Variants in C2orf76 observed in about 807,000 individuals in gnomAD.
C2orf76 encodes the protein chromosome 2 open reading frame 76.
C2orf76 carries 23 observed loss-of-function variants against 16.9 expected under a neutral mutation model. The ratio of observed to expected loss-of-function variants is 1.36; its 90% CI spans 0.98 to 1.93. The LOEUF (loss-of-function observed/expected upper bound fraction) is 1.93, where lower values mean the gene tolerates loss of function less well. C2orf76 is among the 30% of genes most tolerant of loss of function. The probability of loss-of-function intolerance (pLI) is 0.00; values close to 1 mark genes in which losing one functional copy is unlikely to be tolerated. For missense variants in C2orf76, 152 were observed against 152.6 expected (o/e 1.00, Z 0.02); for synonymous variants, 48 against 52.3 (o/e 0.92, Z 0.35).
chr2:119,358,786 A>G (rs1177159897), intron 1 of C2orf76, among the ~76,000 whole-genome samples: 1 of 152,134 alleles, frequency 6.6e-6, no homozygotes, highest in African/African-American at 2.4e-5. Flanking sequence ...TTGGTTCATG[A>G]TGTTTAAGGA....
At chr2:119,287,405 C>T in the C2orf76 span, among the ~76,000 whole-genome samples, 2 of 152,160 alleles carry the variant, frequency 1.3e-5, no homozygotes, top group African/African-American at 4.8e-5. Flanking sequence ...TCACAGGTTC[C>T]CATGTACATA....
intron 4 of C2orf76, 46 bp downstream of exon 4, chr2:119,317,420 C>T: frequency 7.1e-7 from 1 of 1,412,706 alleles, no homozygotes; most frequent in South Asian, 1.4e-5. Flanking sequence ...ATTCAACCAA[C>T]ATTGATTACT....
chr2:119,297,702 T>C (rs1178172029), downstream of C2orf76, among the ~76,000 whole-genome samples: 1 of 152,120 alleles, frequency 6.6e-6, no homozygotes, highest in Non-Finnish European at 1.5e-5. Context: ...TTCACCATGT[T>C]GCCCAGGCTG....
At chr2:119,308,199 A>G (rs181311253) in intron 5 of C2orf76, among the ~76,000 whole-genome samples, 1 of 152,370 alleles carries the variant, frequency 6.6e-6, no homozygotes, top group African/African-American at 2.4e-5. Flanking sequence ...ATCACCATAA[A>G]AGCAATTAGA....
intron 2 of C2orf76, among the ~76,000 whole-genome samples, chr2:119,336,898 T>C (rs924653553): frequency 6.6e-6 from 1 of 151,930 alleles, no homozygotes; most frequent in African/African-American, 2.4e-5. Context: ...ATTTCAGAGA[T>C]CCCACTCAAG....
intron 3 of C2orf76, among the ~76,000 whole-genome samples, chr2:119,319,204 G>C (rs1262045908): frequency 1.3e-5 from 2 of 152,110 alleles, no homozygotes; most frequent in Admixed American, 1.3e-4. Flanking sequence ...TAGAAATCCT[G>C]CTGCTCTAAT....
chr2:119,313,026 CAA>C (rs536874855), intron 4 of C2orf76, among the ~76,000 whole-genome samples: 69 of 93,544 alleles, frequency 7.4e-4, no homozygotes, highest in Admixed American at 1.3e-3. Context: ...AGACTCCATT[CAA>C]AAAAAAAAAA....
chr2:119,344,887 A>T (rs1205579684), intron 1 of C2orf76, among the ~76,000 whole-genome samples: 1 of 152,200 alleles, frequency 6.6e-6, no homozygotes, highest in Non-Finnish European at 1.5e-5. Flanking sequence ...ATTTAATATA[A>T]GATGAAAGTG....
At chr2:119,327,344 T>A (rs1403141480) in intron 2 of C2orf76, among the ~76,000 whole-genome samples, 3 of 143,444 alleles carry the variant, frequency 2.1e-5, no homozygotes, top group Admixed American at 7.0e-5. Flanking sequence ...GGATTTTTTT[T>A]TTTTTTTTTT....
chr2:119,331,056 T>C lies in C2orf76; in HGVS notation c.133+8771A>G, dbSNP rs1357082234. Among the ~76,000 whole-genome samples, 5 of 152,310 alleles carry C rather than the reference T, an allele frequency of 3.3e-5. No homozygotes were observed. The South Asian group carries it at 8.3e-4, about 25-fold the overall frequency. ...TTTTTTTTCTGCTCATTATGGGTCATACTTTTTTGCTTCTTTGCATGCCTG... is the reference window on the plus strand; with the variant it reads ...TTTTTTTTCTGCTCATTATGGGTCACACTTTTTTGCTTCTTTGCATGCCTG... On this transcript the variant is annotated intron_variant, in intron 2 of 5. Coordinates refer to ENST00000334816, the MANE Select transcript of C2orf76 (RefSeq NM_001322331.2).
At chr2:119,320,198 T>C (rs1002388710) in intron 3 of C2orf76, among the ~76,000 whole-genome samples, 8 of 152,250 alleles carry the variant, frequency 5.3e-5, no homozygotes, top group Admixed American at 3.9e-4. Context: ...GACATATAGA[T>C]ACACACATAC....
chr2:119,336,200 G>A (rs909703492), intron 2 of C2orf76, among the ~76,000 whole-genome samples: 28 of 151,812 alleles, frequency 1.8e-4, no homozygotes, highest in Non-Finnish European at 1.0e-4. Context: ...TTTGAGACCA[G>A]CCTACCAACA....
At chr2:119,366,841 A>G (rs144492810), upstream of C2orf76, 508 of 635,836 alleles carry the variant, frequency 8.0e-4, 5 homozygotes, top group East Asian at 0.014. Flanking sequence ...AAGCGGTCCC[A>G]CGTGGGCTCG....
At chr2:119,328,029 C>CT (rs912703963) in intron 2 of C2orf76, among the ~76,000 whole-genome samples, 26 of 148,718 alleles carry the variant, frequency 1.7e-4, no homozygotes, top group South Asian at 4.3e-4. Context: ...TGCCCCCCTC[C>CT]TTTTTTTTTT....
the C2orf76 span, among the ~76,000 whole-genome samples, chr2:119,284,345 A>G: frequency 1.3e-5 from 2 of 152,202 alleles, no homozygotes; most frequent in African/African-American, 2.4e-5. Flanking sequence ...TAAGTAGGCT[A>G]ATTTTGCGGA....
intron 5 of C2orf76, among the ~76,000 whole-genome samples, chr2:119,304,431 A>T (rs1340582997): frequency 6.6e-6 from 1 of 152,244 alleles, no homozygotes; most frequent in Non-Finnish European, 1.5e-5. Flanking sequence ...AGGTTCAGAG[A>T]AGCTGCTGGA....
rs1399755819 is a variant in C2orf76, at chr2:119,321,709, C to G, written c.134-505G>C. On this transcript the variant is annotated intron_variant, in intron 2 of 5. Coordinates refer to ENST00000334816, the MANE Select transcript of C2orf76 (RefSeq NM_001322331.2). The stretch of plus-strand genomic sequence containing the variant: ...GGATACGGCCAAAGCATATCACCAT[C>G]TAAAATATTAGAGCTATTGACAAGA... 2.0e-5 allele frequency among the ~76,000 whole-genome samples: 3 copies of G among 152,138 alleles called. No individual in the cohort carries two copies. In the East Asian group the frequency reaches 5.8e-4, roughly 29 times the overall value.
chr2:119,355,647 C>A (rs1680547792), intron 1 of C2orf76, among the ~76,000 whole-genome samples: 1 of 152,122 alleles, frequency 6.6e-6, no homozygotes, highest in African/African-American at 2.4e-5. Flanking sequence ...CTATTGTGAA[C>A]TGAGCATATG....
downstream of C2orf76, among the ~76,000 whole-genome samples, chr2:119,299,036 C>T (rs1355072815): frequency 1.3e-5 from 2 of 152,154 alleles, no homozygotes; most frequent in African/African-American, 4.8e-5. Flanking sequence ...CCACCTCCGC[C>T]TCCCAAGTAA....
Sources: gnomAD v4.1 joint callset for allele counts (sites outside exome capture counted in the v4.1 genomes callset) on GRCh38, gnomAD v4.1.1 for gene constraint, MANE v1.5 for transcripts, NCBI Gene and HGNC (gene_info 2026-07-23, HGNC 2026-07-21) for gene names.